The following DOC2B variants were observed in gnomAD, a reference collection of about 807,000 sequenced individuals.
DOC2B encodes double C2 domain beta.
DOC2B carries 21 observed loss-of-function variants against 28.9 expected under a neutral mutation model. That is an observed-to-expected ratio of 0.73 (90% CI 0.52 to 1.05). DOC2B has a LOEUF of 1.05. DOC2B is among the 50% of genes least tolerant of loss of function. The pLI, the probability that DOC2B is intolerant of heterozygous loss-of-function variation, is 0.00. For missense variants in DOC2B, 384 were observed against 421.1 expected (o/e 0.91, Z 0.77); for synonymous variants, 194 against 178.1 (o/e 1.09, Z -0.71).
At chr17:147,895 G>T (rs1480360358) in intron 8 of DOC2B, among the ~76,000 whole-genome samples, 3 of 152,180 alleles carry the variant, frequency 2.0e-5, no homozygotes, top group African/African-American at 4.8e-5. Flanking sequence ...TGGGAATTTG[G>T]GGCCTCTAGG....
rs1169065622 is a variant in DOC2B at position 181,127 on chromosome 17, C to A, written c.353G>T (p.Gly118Val). The change falls in exon 1 of 9, where the codon GGC becomes GTC. Residue 118 changes from glycine (G) to valine (V), a missense_variant. Physicochemically the swap from Gly to Val is moderately radical, Grantham distance 109. Transcript: ENST00000613549. This position sits in a 1 kb window ranked among gnomAD's most constrained non-coding sequence, Gnocchi z 7.0. Reference protein sequence around the residue: ...KPPEDEPDADGYESDDCTALG... With the variant: ...KPPEDEPDADVYESDDCTALG... Reference sequence around the variant, plus strand: ...CTTACTGCAGTCGTCCGACTCGTAGCCGTCGGCGTCCGGCTCGTCCTCCGG... The same window carrying A: ...CTTACTGCAGTCGTCCGACTCGTAGACGTCGGCGTCCGGCTCGTCCTCCGG... 1 of 1,253,016 alleles carries A rather than the reference C, an allele frequency of 8.0e-7. No individual in the cohort carries two copies. Among genetic ancestry groups the A allele is most frequent in the Non-Finnish European group, 1.0e-6 (1 of 999,148 alleles). The allele number at this position is 1,253,016 out of a possible 1,614,324, so 77.6% of individuals were successfully genotyped here.
chr17:151,801 T>G (rs1555521841), intron 6 of DOC2B, among the ~76,000 whole-genome samples: 1 of 152,176 alleles, frequency 6.6e-6, no homozygotes, highest in African/African-American at 2.4e-5. Context: ...GGACAACTTG[T>G]GCCCATCTGG....
In DOC2B at chr17:148,158, A is replaced by G. The variant is rs1386898639; in HGVS notation, c.1102+15T>C. The G allele has an allele frequency of 5.0e-6, 2 of 398,434 alleles. No individual in the cohort carries two copies. The highest frequency in any genetic ancestry group is 6.2e-4 in the Middle Eastern group (1 of 1,610). 24.7% of individuals were successfully genotyped at this position (398,434 alleles called of 1,614,324 possible). ...AGGCACACAGTGAGACGGTGTTCCC[A>G]CTATGCCCCCTTACCAATGAAATCG... On this transcript the variant is annotated intron_variant, in intron 8 of 8. Transcript: ENST00000613549.
At chr17:153,700 CA>C (rs986649114) in intron 6 of DOC2B, among the ~76,000 whole-genome samples, 151 of 137,866 alleles carry the variant, frequency 1.1e-3, no homozygotes, top group Middle Eastern at 3.7e-3. Context: ...GACTCTGTCT[CA>C]AAAAAAAAAA....
intron 1 of DOC2B, among the ~76,000 whole-genome samples, chr17:176,603 C>G (rs538988173): frequency 6.6e-6 from 1 of 152,228 alleles, no homozygotes; most frequent in South Asian, 2.1e-4. Context: ...GAGAGAAAAG[C>G]AGAGTTGCTC....
intron 6 of DOC2B, among the ~76,000 whole-genome samples, chr17:154,087 G>A (rs772700270): frequency 6.6e-6 from 1 of 152,096 alleles, no homozygotes; most frequent in Non-Finnish European, 1.5e-5. Context: ...TTGTTTCCAA[G>A]GTCCTCCCAC....
chr17:160,738 G>A (rs1555523118), intron 5 of DOC2B, among the ~76,000 whole-genome samples: 1 of 152,138 alleles, frequency 6.6e-6, no homozygotes, highest in African/African-American at 2.4e-5. Context: ...GATGGGGGAG[G>A]GAAGAGGGAC....
At position 148,344 on chromosome 17, in the gene DOC2B, TG is replaced by T. The variant is rs2040037222; in HGVS notation, c.1006-76del. 3 of 398,276 alleles carry T rather than the reference TG, an allele frequency of 7.5e-6. No individual in the cohort carries two copies. In the South Asian group the frequency reaches 3.8e-4, roughly 51 times the overall value. The allele number at this position is 398,276 out of a possible 1,614,324, so 24.7% of individuals were successfully genotyped here. On this transcript the variant is annotated intron_variant, in intron 7 of 8. Coordinates refer to ENST00000613549, the MANE Select transcript of DOC2B (RefSeq NM_003585.5). ...GCCGGGGGCCAGGAGGGGTATGAGG[TG>T]TAGGGACAGAGGAGGGATGGGGGTG...
chr17:158,707 T>A (rs1567530804), intron 5 of DOC2B, among the ~76,000 whole-genome samples: 1 of 152,248 alleles, frequency 6.6e-6, no homozygotes, highest in African/African-American at 2.4e-5. Flanking sequence ...CTTGATGCCC[T>A]GTGCTGCTTG....
intron 6 of DOC2B, among the ~76,000 whole-genome samples, chr17:149,441 G>A (rs1020949984): frequency 2.0e-4 from 31 of 152,248 alleles, no homozygotes; most frequent in African/African-American, 6.3e-4. Context: ...CCTGGGGGGC[G>A]CCCTCCATCC....
rs1290504546 is a variant in DOC2B at position 144,161 on chromosome 17, G to C, written c.*3280C>G. 2 of 128,042 alleles carry C rather than the reference G, an allele frequency of 1.6e-5. No homozygotes were observed. Among genetic ancestry groups the C allele is most frequent in the African/African-American group, 5.8e-5 (2 of 34,594 alleles). 7.9% of individuals were successfully genotyped at this position (128,042 alleles called of 1,614,324 possible). ...CACCTGGAATGACTTTTTTTTTTTGGCATCAGATTTCCTGTCTTTGTGGGG... is the reference window on the plus strand; with the variant it reads ...CACCTGGAATGACTTTTTTTTTTTGCCATCAGATTTCCTGTCTTTGTGGGG... On this transcript the variant is annotated 3_prime_UTR_variant, in exon 9 of 9. Transcript: ENST00000613549.
rs143816254 is a variant in DOC2B, at chr17:166,401, G to A, written c.454-2197C>T. Among the ~76,000 whole-genome samples the A allele has an allele frequency of 5.7e-3, 871 of 152,366 alleles. 8 individuals are homozygous for A. Among genetic ancestry groups the A allele is most frequent in the African/African-American group, 0.02 (825 of 41,586 alleles). ...GCAGGGAGCTGCTAGTGGGGCCCTT[G>A]GGCACATGCTCCCCAGCTTGGGAGT... On this transcript the variant is annotated intron_variant, in intron 2 of 8. Coordinates refer to ENST00000613549, the MANE Select transcript of DOC2B (RefSeq NM_003585.5).
chr17:165,882 C>T (rs1035868116), intron 2 of DOC2B, among the ~76,000 whole-genome samples: 2 of 152,246 alleles, frequency 1.3e-5, no homozygotes, highest in Non-Finnish European at 2.9e-5. Flanking sequence ...AGTCCTTATA[C>T]ATTTGTTTGT....
At position 147,094 on chromosome 17, in the gene DOC2B, C is replaced by T. The variant is rs1046154108; in HGVS notation, c.*347G>A. The T allele has an allele frequency of 9.1e-6, 2 of 219,470 alleles. No homozygotes were observed. The highest frequency in any genetic ancestry group is 4.5e-5 in the African/African-American group (2 of 44,060). 13.6% of individuals were successfully genotyped at this position (219,470 alleles called of 1,614,324 possible). Reference sequence around the variant, plus strand: ...CCTCTGTTCCCACTGTCCGCCAAGGCGCCCCCACACTCCTGTCCTCTCAGC... The same window carrying T: ...CCTCTGTTCCCACTGTCCGCCAAGGTGCCCCCACACTCCTGTCCTCTCAGC... On this transcript the variant is annotated 3_prime_UTR_variant, in exon 9 of 9. Coordinates refer to ENST00000613549, the MANE Select transcript of DOC2B (RefSeq NM_003585.5).
intron 1 of DOC2B, among the ~76,000 whole-genome samples, chr17:178,786 G>C (rs1243967125): frequency 6.6e-6 from 1 of 152,236 alleles, no homozygotes; most frequent in Non-Finnish European, 1.5e-5. Context: ...ATTTCTTTTT[G>C]TCAGAACAGA....
chr17:176,441 G>A (rs1315351218), intron 1 of DOC2B, among the ~76,000 whole-genome samples: 4 of 152,042 alleles, frequency 2.6e-5, no homozygotes, highest in Non-Finnish European at 4.4e-5. Flanking sequence ...GGCTGGTCTT[G>A]AACTCCCGGG....
At chr17:174,156 A>C (rs1174307208) in intron 1 of DOC2B, among the ~76,000 whole-genome samples, 1 of 152,124 alleles carries the variant, frequency 6.6e-6, no homozygotes, top group East Asian at 1.9e-4. Flanking sequence ...ATTTGTCTAG[A>C]TCATCCCCTT....
intron 6 of DOC2B, among the ~76,000 whole-genome samples, chr17:152,306 G>A (rs775249435): frequency 1.3e-5 from 2 of 152,178 alleles, no homozygotes; most frequent in Admixed American, 6.5e-5. Flanking sequence ...CGCGTCACAC[G>A]CAGCCATCGC....
At chr17:150,381 G>T (rs188505217) in intron 6 of DOC2B, among the ~76,000 whole-genome samples, 4 of 151,966 alleles carry the variant, frequency 2.6e-5, no homozygotes, top group African/African-American at 7.3e-5. Context: ...TGAAGCCACC[G>T]CCCAAAGACA....
Sources: allele counts gnomAD v4.1 joint callset (sites outside exome capture counted in the v4.1 genomes callset), GRCh38; gene constraint gnomAD v4.1.1; non-coding constraint Gnocchi (gnomAD v3.1); transcripts MANE v1.5; gene names NCBI Gene and HGNC (gene_info 2026-07-23, HGNC 2026-07-21).